The following C5orf22 variants were observed in gnomAD, a reference collection of about 807,000 sequenced individuals.
C5orf22 encodes chromosome 5 open reading frame 22, also known as UPF0489 protein C5orf22.
C5orf22 carries 36 observed loss-of-function variants against 48.7 expected under a neutral mutation model. The observed-to-expected ratio is 0.74, with a 90% confidence interval of 0.57 to 0.98. The LOEUF is 0.98. Among genes scored for constraint, C5orf22 ranks in the 50% least tolerant of loss-of-function variants. C5orf22 has a pLI of 0.00. For synonymous variants in C5orf22, 141 were observed against 180.8 expected (o/e 0.78, Z 1.76); for missense variants, 486 against 521.9 (o/e 0.93, Z 0.67).
intron 7 of C5orf22, among the ~76,000 whole-genome samples, chr5:31,550,519 AAAGT>A (rs1743186076): frequency 1.3e-5 from 2 of 152,216 alleles, no homozygotes; most frequent in African/African-American, 2.4e-5. Flanking sequence ...TAATATTTAA[AAAGT>A]AAGTAAAATA....
chr5:31,553,557 C>T lies in C5orf22; in HGVS notation c.*655C>T, dbSNP rs1038476831. The T allele has an allele frequency of 1.3e-5, 2 of 151,638 alleles. No individual in the cohort carries two copies. Among genetic ancestry groups the T allele is most frequent in the Admixed American group, 6.6e-5 (1 of 15,198 alleles). 9.4% of individuals were successfully genotyped at this position (151,638 alleles called of 1,614,324 possible). A position where few individuals can be genotyped will look rare whatever the true frequency, so the allele number is the denominator to read the frequency against. On this transcript the variant is annotated 3_prime_UTR_variant, in exon 9 of 9. Transcript: ENST00000325366. ...TGGGCACAAGCAATCCACCTGCCTT[C>T]GCCTCCCGAAGTGCTGGGATTACAG... is the stretch of plus-strand genomic sequence containing the variant.
chr5:31,545,619 T>C lies in C5orf22; in HGVS notation c.993-27T>C, dbSNP rs375197780. ...TTTTAGTTGTGGTGGTTGTGATGTT[T>C]AATTGAGTGGGATGGCTTTTTTCCA... On this transcript the variant is annotated intron_variant, in intron 6 of 8. Coordinates refer to ENST00000325366, the MANE Select transcript of C5orf22 (RefSeq NM_018356.3). 1.8e-4 allele frequency: 278 copies of C among 1,566,438 alleles called. No homozygotes were observed. The African/African-American group carries it at 3.4e-3, about 19-fold the overall frequency.
In C5orf22 at chr5:31,532,315, G is replaced by C; in HGVS notation, c.-78G>C. On this transcript the variant is annotated 5_prime_UTR_variant, in exon 1 of 9. Coordinates refer to ENST00000325366, the MANE Select transcript of C5orf22 (RefSeq NM_018356.3). ...GGAGCGCTTCCGCCCGGAGAGAGCT[G>C]GCCGGGATGAGGCGCCGGCTTTCCC... 1 of 1,460,416 alleles carries C rather than the reference G, an allele frequency of 6.8e-7. No individual in the cohort carries two copies. The highest frequency in any genetic ancestry group is 9.6e-7 in the Non-Finnish European group (1 of 1,042,572). The allele number at this position is 1,460,416 out of a possible 1,614,324, so 90.5% of individuals were successfully genotyped here.
At position 31,554,092 on chromosome 5, in the gene C5orf22, T is replaced by C. The variant is rs906856846; in HGVS notation, c.*1190T>C. 6.6e-6 allele frequency: 1 copy of C among 152,232 alleles called. No individual in the cohort carries two copies. Among genetic ancestry groups the C allele is most frequent in the Non-Finnish European group, 1.5e-5 (1 of 68,034 alleles). 9.4% of individuals were successfully genotyped at this position (152,232 alleles called of 1,614,324 possible). A position where few individuals can be genotyped will look rare whatever the true frequency, so the allele number is the denominator to read the frequency against. On this transcript the variant is annotated 3_prime_UTR_variant, in exon 9 of 9. Coordinates refer to ENST00000325366, the MANE Select transcript of C5orf22 (RefSeq NM_018356.3). The stretch of plus-strand genomic sequence containing the variant: ...AATCATGAAACTTGATTTTCTCAAT[T>C]GGCCAGTCTTCTGATCTTTAGTATC...
intron 8 of C5orf22, among the ~76,000 whole-genome samples, 168 bp from the exon 9 acceptor site, chr5:31,552,605 A>C (rs1743351373): frequency 6.6e-6 from 1 of 152,254 alleles, no homozygotes; most frequent in Non-Finnish European, 1.5e-5. Flanking sequence ...TAATTTATGT[A>C]AGGTGACTAA....
At chr5:31,534,850 A>G in intron 2 of C5orf22, 1 of 345,776 alleles carries the variant, frequency 2.9e-6, no homozygotes, top group Non-Finnish European at 5.7e-6. Flanking sequence ...TGCACTCCAG[A>G]CTGGGCAACA....
chr5:31,544,804 T>C (rs1443451801), intron 6 of C5orf22, among the ~76,000 whole-genome samples: 3 of 151,556 alleles, frequency 2.0e-5, no homozygotes, highest in East Asian at 2.0e-4. Context: ...GGTGTGGTGG[T>C]GTTCACTTAT....
rs1181254240 is a variant in C5orf22 at position 31,538,680 on chromosome 5, G to A, written c.798G>A (p.Met266Ile). The part of the protein sequence containing the change: ...FFSVKNPFKE[M>I]FTQEEYKILQ... Reference sequence around the variant, plus strand: ...CAGTCAAGAATCCCTTCAAAGAAATGTTCACTCAGGTAAATAATTGTGTTT... The same window carrying A: ...CAGTCAAGAATCCCTTCAAAGAAATATTCACTCAGGTAAATAATTGTGTTT... Residue 266 changes from methionine (M) to isoleucine (I), a missense_variant, in exon 4 of 9, where the codon ATG becomes ATA. Met to Ile is a conservative substitution (Grantham distance 10, BLOSUM62 1). Around this residue, in one of 3 missense-constraint regions of C5orf22, gnomAD observed 408 missense variants for 444.0 expected, o/e 0.92. Coordinates refer to ENST00000325366, the MANE Select transcript of C5orf22 (RefSeq NM_018356.3). The A allele has an allele frequency of 1.9e-6, 3 of 1,607,270 alleles. No individual in the cohort carries two copies. The highest frequency in any genetic ancestry group is 2.6e-6 in the Non-Finnish European group (3 of 1,175,482).
rs995989566 is a variant in C5orf22, at chr5:31,554,875, A to T, written c.*1973A>T. On this transcript the variant is annotated 3_prime_UTR_variant, in exon 9 of 9. Transcript: ENST00000325366. ...TTGAGAATAAAATTCAGTCCCTAAT[A>T]GTTGAAAAGAATCAACTTAGTAAAT... 6.6e-6 allele frequency: 1 copy of T among 152,236 alleles called. No individual in the cohort carries two copies. The highest frequency in any genetic ancestry group is 6.5e-5 in the Admixed American group (1 of 15,288). The allele number at this position is 152,236 out of a possible 1,614,324, so 9.4% of individuals were successfully genotyped here.
At chr5:31,551,695 T>G (rs1355063086) in intron 8 of C5orf22, among the ~76,000 whole-genome samples, 1 of 152,092 alleles carries the variant, frequency 6.6e-6, no homozygotes, top group Non-Finnish European at 1.5e-5. Flanking sequence ...GGCCACAAGC[T>G]AAGGAACACA....
In C5orf22 at chr5:31,553,408, G is replaced by A. The variant is rs1743413733; in HGVS notation, c.*506G>A. On this transcript the variant is annotated 3_prime_UTR_variant, in exon 9 of 9. Transcript: ENST00000325366. ...TGAAGGAAAGGACAACAACAGACAT[G>A]TCTTAGTACTTAGGGTATCATGGCT... is the stretch of plus-strand genomic sequence containing the variant. 6.6e-6 allele frequency: 1 copy of A among 151,876 alleles called. No individual in the cohort carries two copies. 9.4% of individuals were successfully genotyped at this position (151,876 alleles called of 1,614,324 possible). A position where few individuals can be genotyped will look rare whatever the true frequency, so the allele number is the denominator to read the frequency against.
chr5:31,536,998 G>A (rs925512295), intron 3 of C5orf22, among the ~76,000 whole-genome samples: 26 of 152,116 alleles, frequency 1.7e-4, no homozygotes, highest in African/African-American at 4.6e-4. Context: ...TAATCTTGTC[G>A]TTTGCACAAA....
intron 7 of C5orf22, chr5:31,548,641 A>G (rs1233822142): frequency 2.4e-6 from 1 of 424,566 alleles, no homozygotes; most frequent in Non-Finnish European, 4.7e-6. Context: ...GAGCCCTCCA[A>G]ACTGTTCCAA....
chr5:31,533,248 A>G (rs1052081373), intron 1 of C5orf22, among the ~76,000 whole-genome samples: 2 of 149,074 alleles, frequency 1.3e-5, no homozygotes, highest in African/African-American at 4.9e-5. Context: ...GCTACTGCGC[A>G]CGGCCCATAT....
rs1743463778 is a variant in C5orf22 at position 31,554,276 on chromosome 5, C to CTA, written c.*1377_*1378dup. ...TTTCAGGCCTTACCCACATGTGTTC[C>CTA]TATAGAGTTGCATGTAGCTAAAATT... On this transcript the variant is annotated 3_prime_UTR_variant, in exon 9 of 9. Coordinates refer to ENST00000325366, the MANE Select transcript of C5orf22 (RefSeq NM_018356.3). The CTA allele has an allele frequency of 6.6e-6, 1 of 152,196 alleles. No individual in the cohort carries two copies. Among genetic ancestry groups the CTA allele is most frequent in the Non-Finnish European group, 1.5e-5 (1 of 68,042 alleles). The allele number at this position is 152,196 out of a possible 1,614,324, so 9.4% of individuals were successfully genotyped here.
intron 4 of C5orf22, 41 bp from the exon 5 acceptor site, chr5:31,540,908 T>A (rs1417767455): frequency 8.8e-6 from 13 of 1,476,794 alleles, no homozygotes; most frequent in Non-Finnish European, 1.2e-5. Flanking sequence ...AATTTTAACT[T>A]TTTTTTTTCT....
intron 8 of C5orf22, 93 bp downstream of exon 8, chr5:31,551,525 A>G (rs1302865327): frequency 2.0e-6 from 2 of 988,790 alleles, no homozygotes; most frequent in African/African-American, 3.3e-5. Flanking sequence ...GGCAAAAGGA[A>G]ATTCGCAGTG....
rs781149422 is a variant in C5orf22, at chr5:31,540,824, A to G, written c.808-125A>G. 4 of 702,100 alleles carry G rather than the reference A, an allele frequency of 5.7e-6. No homozygotes were observed. The South Asian group carries it at 6.7e-5, about 12-fold the overall frequency. 43.5% of individuals were successfully genotyped at this position (702,100 alleles called of 1,614,324 possible). A position where few individuals can be genotyped will look rare whatever the true frequency, so the allele number is the denominator to read the frequency against. On this transcript the variant is annotated intron_variant, in intron 4 of 8. Transcript: ENST00000325366. Reference sequence around the variant, plus strand: ...CATTTTGCCTGATTCTCCCATACATACCTTTAAATAATTATCTAAGATGTT... The same window carrying G: ...CATTTTGCCTGATTCTCCCATACATGCCTTTAAATAATTATCTAAGATGTT...
intron 7 of C5orf22, among the ~76,000 whole-genome samples, chr5:31,547,455 A>G (rs1742967992): frequency 6.6e-6 from 1 of 152,184 alleles, no homozygotes; most frequent in African/African-American, 2.4e-5. Context: ...TGGGGATCCG[A>G]CCCCACATTT....
Sources: gnomAD v4.1 joint callset for allele counts (sites outside exome capture counted in the v4.1 genomes callset) on GRCh38, gnomAD v4.1.1 for gene constraint, gnomAD v4.1.1 regional missense constraint, MANE v1.5 for transcripts, NCBI Gene and HGNC (gene_info 2026-07-23, HGNC 2026-07-21) for gene names.